The following ZC3H12B variants were observed in gnomAD, a reference collection of about 807,000 sequenced individuals.
ZC3H12B encodes the protein zinc finger CCCH-type containing 12B, also known as probable ribonuclease ZC3H12B.
ZC3H12B carries 7 observed loss-of-function variants against 43.9 expected under a neutral mutation model. That is an observed-to-expected ratio of 0.16 (90% CI 0.09 to 0.30). The LOEUF is 0.30. Ranked by LOEUF, ZC3H12B falls within the 10% of genes least tolerant of loss-of-function variation. ZC3H12B has a pLI of 1.00. For synonymous variants in ZC3H12B, 222 were observed against 241.7 expected, an observed-to-expected ratio of 0.92 and a Z score of 0.76; for missense variants, 475 against 670.2, an observed-to-expected ratio of 0.71 and a Z score of 3.22.
the ZC3H12B span, among the ~76,000 whole-genome samples, chrX:65,089,785 C>CT: frequency 2.7e-5 from 3 of 110,913 alleles, no homozygotes; most frequent in East Asian, 2.8e-4. Flanking sequence ...ACTTTTTAAA[C>CT]TTTTTTTTAA....
intron 4 of ZC3H12B, among the ~76,000 whole-genome samples, 167 bp downstream of exon 9, chrX:65,500,156 A>G (rs775520133): frequency 8.9e-6 from 1 of 112,510 alleles, no homozygotes; most frequent in Non-Finnish European, 1.9e-5. Flanking sequence ...TTAAAGAAAA[A>G]TCTTAGAAAC....
chrX:65,191,748 C>G, the ZC3H12B span, among the ~76,000 whole-genome samples: 3 of 109,188 alleles, frequency 2.7e-5, no homozygotes, highest in Non-Finnish European at 5.7e-5. Flanking sequence ...TTTCAAAAAA[C>G]CAGCTCCTGG....
chrX:65,140,820 T>G, the ZC3H12B span, among the ~76,000 whole-genome samples: 8 of 111,761 alleles, frequency 7.2e-5, no homozygotes, highest in East Asian at 2.0e-3. Flanking sequence ...ATCTAGGAAT[T>G]TTCCTGTGTT....
At chrX:65,123,986 T>G in the ZC3H12B span, among the ~76,000 whole-genome samples, 4 of 111,027 alleles carry the variant, frequency 3.6e-5, no homozygotes, top group African/African-American at 1.3e-4. Flanking sequence ...CTTTATTTCT[T>G]TCTCTTGTCT....
At chrX:65,304,939 A>G in the ZC3H12B span, among the ~76,000 whole-genome samples, 1 of 112,216 alleles carries the variant, frequency 8.9e-6, no homozygotes, top group African/African-American at 3.2e-5. Context: ...AGTGTAATAA[A>G]TATTTTAATC....
chrX:65,110,402 T>G, the ZC3H12B span, among the ~76,000 whole-genome samples: 1 of 110,406 alleles, frequency 9.1e-6, no homozygotes, highest in Admixed American at 9.7e-5. Flanking sequence ...TTTTTTTTTT[T>G]TGCTAAAAGT....
At chrX:65,183,185 A>G in the ZC3H12B span, among the ~76,000 whole-genome samples, 72 of 111,929 alleles carry the variant, frequency 6.4e-4, no homozygotes, top group African/African-American at 2.3e-3. Context: ...ATGCCCATCA[A>G]TGGTAGACTG....
At chrX:65,286,581 G>A in the ZC3H12B span, among the ~76,000 whole-genome samples, 1 of 110,070 alleles carries the variant, frequency 9.1e-6, no homozygotes, top group African/African-American at 3.3e-5. Flanking sequence ...AAAAAATATA[G>A]AATATCTGGA....
the ZC3H12B span, among the ~76,000 whole-genome samples, chrX:65,164,619 G>A: frequency 1.8e-5 from 2 of 112,016 alleles, no homozygotes; most frequent in Admixed American, 9.6e-5. Context: ...TAGTTAGCTT[G>A]GTTTTGTCCA....
At chrX:65,339,017 G>C in the ZC3H12B span, among the ~76,000 whole-genome samples, 1 of 112,048 alleles carries the variant, frequency 8.9e-6, no homozygotes, top group Admixed American at 9.4e-5. Context: ...GAGCAATAAG[G>C]CAAGAGAAAG....
the ZC3H12B span, among the ~76,000 whole-genome samples, chrX:65,166,096 G>A: frequency 1.2e-4 from 13 of 110,324 alleles, no homozygotes; most frequent in African/African-American, 1.7e-4. Context: ...TGCACAATGC[G>A]CAGGTTTGTT....
chrX:65,073,656 T>C, the ZC3H12B span, among the ~76,000 whole-genome samples: 1 of 112,197 alleles, frequency 8.9e-6, no homozygotes, highest in South Asian at 3.7e-4. Context: ...CCCTCTGGGC[T>C]CTACGCCAAC....
exon 1 of ZC3H12B, chrX:65,488,970 A>G (rs1445808385): frequency 1.7e-5 from 20 of 1,209,293 alleles, no homozygotes; most frequent in Non-Finnish European, 2.1e-5. Flanking sequence ...TAGCGACAAC[A>G]GCAAGAGCTG....
At chrX:65,257,455 G>A in the ZC3H12B span, among the ~76,000 whole-genome samples, 1 of 110,427 alleles carries the variant, frequency 9.1e-6, no homozygotes, top group Non-Finnish European at 1.9e-5. Context: ...GCCTGTGGGG[G>A]GTGGGGACCT....
the ZC3H12B span, among the ~76,000 whole-genome samples, chrX:65,053,854 G>A: frequency 2.7e-5 from 3 of 111,772 alleles, no homozygotes; most frequent in African/African-American, 6.5e-5. Flanking sequence ...TTCTCTGATG[G>A]CCAGTGATGA....
intron 3 of ZC3H12B, among the ~76,000 whole-genome samples, chrX:65,438,638 T>C (rs2067257405): frequency 8.8e-6 from 1 of 113,066 alleles, no homozygotes; most frequent in Non-Finnish European, 1.9e-5. Flanking sequence ...ATTGTTTCTA[T>C]AGATATTAAA....
At chrX:65,347,281 G>A in the ZC3H12B span, among the ~76,000 whole-genome samples, 3 of 111,306 alleles carry the variant, frequency 2.7e-5, no homozygotes, top group Non-Finnish European at 5.7e-5. Flanking sequence ...GACCCCATCC[G>A]AAGGTCACCA....
chrX:65,117,598 G>A, the ZC3H12B span, among the ~76,000 whole-genome samples: 1 of 111,755 alleles, frequency 8.9e-6, no homozygotes, highest in African/African-American at 3.2e-5. Context: ...GTCTTTTGTT[G>A]CCATTGGTTT....
chrX:65,270,548 A>G, the ZC3H12B span, among the ~76,000 whole-genome samples: 1 of 111,397 alleles, frequency 9.0e-6, no homozygotes, highest in East Asian at 2.8e-4. Flanking sequence ...ACCTCAAACT[A>G]AAAAGCTTCT....
Sources: gnomAD v4.1 joint callset for allele counts (sites outside exome capture counted in the v4.1 genomes callset) on GRCh38, gnomAD v4.1.1 for gene constraint, MANE v1.5 for transcripts, NCBI Gene and HGNC (gene_info 2026-07-23, HGNC 2026-07-21) for gene names.